Variants in RAP1GDS1 observed in about 807,000 individuals in gnomAD.
RAP1GDS1 encodes Rap1 GTPase-GDP dissociation stimulator 1.
Under a neutral mutation model 71.1 loss-of-function variants are expected in RAP1GDS1, and 35 were observed. The observed-to-expected ratio is 0.49, with a 90% CI of 0.38 to 0.65. The LOEUF (loss-of-function observed/expected upper bound fraction) is 0.65, where lower values mean the gene tolerates loss of function less well. Among genes scored for constraint, RAP1GDS1 ranks in the 30% least tolerant of loss-of-function variants. The probability of loss-of-function intolerance (pLI) is 0.00; values close to 1 mark genes in which losing one functional copy is unlikely to be tolerated. For synonymous variants in RAP1GDS1, 229 were observed against 243.1 expected (o/e 0.94, Z 0.54); for missense variants, 663 against 706.1 (o/e 0.94, Z 0.69).
At chr4:98,272,622 T>G (rs906254204) in intron 1 of RAP1GDS1, among the ~76,000 whole-genome samples, 31 of 152,146 alleles carry the variant, frequency 2.0e-4, no homozygotes, top group African/African-American at 7.5e-4. Context: ...CTGAGCATAC[T>G]TCTCAGATTT....
chr4:98,280,202 T>G (rs1185484086), intron 1 of RAP1GDS1, among the ~76,000 whole-genome samples: 1 of 152,228 alleles, frequency 6.6e-6, no homozygotes, highest in Non-Finnish European at 1.5e-5. Flanking sequence ...CCACAATGGT[T>G]GAACTAGTTT....
At chr4:98,425,564 C>T (rs752540030) in intron 12 of RAP1GDS1, among the ~76,000 whole-genome samples, 1 of 152,100 alleles carries the variant, frequency 6.6e-6, no homozygotes, top group Non-Finnish European at 1.5e-5. Context: ...TACCAAAAGT[C>T]AGCAGGAATA....
At chr4:98,374,311 C>A (rs1740836767) in intron 4 of RAP1GDS1, among the ~76,000 whole-genome samples, 1 of 152,114 alleles carries the variant, frequency 6.6e-6, no homozygotes, top group Non-Finnish European at 1.5e-5. Context: ...TGAAATAATT[C>A]TTTGTGTTGC....
intron 10 of RAP1GDS1, 33 bp downstream of exon 10, chr4:98,418,824 A>T: frequency 1.3e-6 from 2 of 1,515,552 alleles, no homozygotes; most frequent in Non-Finnish European, 1.8e-6. Context: ...AGCTGTGTAC[A>T]AAATAAAATC....
chr4:98,302,532 A>G (rs977753900), intron 2 of RAP1GDS1, among the ~76,000 whole-genome samples: 1 of 152,192 alleles, frequency 6.6e-6, no homozygotes, highest in Admixed American at 6.5e-5. Context: ...GAAGAAGGAA[A>G]ACAAAATGGT....
At chr4:98,393,051 A>G (rs912383124) in intron 6 of RAP1GDS1, among the ~76,000 whole-genome samples, 2 of 152,102 alleles carry the variant, frequency 1.3e-5, no homozygotes, top group African/African-American at 2.4e-5. Context: ...ACAACCCACA[A>G]TCATGTTAAT....
intron 2 of RAP1GDS1, among the ~76,000 whole-genome samples, chr4:98,296,514 TG>T (rs1485360883): frequency 6.6e-6 from 1 of 152,148 alleles, no homozygotes; most frequent in Non-Finnish European, 1.5e-5. Flanking sequence ...GCAAGCATTT[TG>T]TGTAAATCTA....
chr4:98,382,055 T>C (rs1414657445), intron 5 of RAP1GDS1, among the ~76,000 whole-genome samples: 5 of 151,614 alleles, frequency 3.3e-5, no homozygotes, highest in Non-Finnish European at 7.4e-5. Context: ...ATATATGTTA[T>C]GAAAATATTC....
intron 2 of RAP1GDS1, among the ~76,000 whole-genome samples, chr4:98,309,421 C>G (rs1161762745): frequency 6.6e-6 from 1 of 151,704 alleles, no homozygotes; most frequent in Non-Finnish European, 1.5e-5. Context: ...TTTATTTTTA[C>G]TCATTTATGT....
At chr4:98,334,532 G>A (rs1734433754) in intron 2 of RAP1GDS1, among the ~76,000 whole-genome samples, 1 of 152,016 alleles carries the variant, frequency 6.6e-6, no homozygotes, top group South Asian at 2.1e-4. Flanking sequence ...TGTGTTTTTG[G>A]TTTTTTGTTT....
At chr4:98,402,570 T>G (rs751807122) in intron 6 of RAP1GDS1, among the ~76,000 whole-genome samples, 1 of 152,212 alleles carries the variant, frequency 6.6e-6, no homozygotes, top group Non-Finnish European at 1.5e-5. Flanking sequence ...TGGATTTTTG[T>G]CATTTTGGAA....
intron 2 of RAP1GDS1, among the ~76,000 whole-genome samples, chr4:98,327,095 C>T (rs1029684494): frequency 6.6e-6 from 1 of 152,156 alleles, no homozygotes; most frequent in East Asian, 1.9e-4. Flanking sequence ...GAGTACAGTA[C>T]AGTAGTTTCT....
chr4:98,354,688 T>A (rs1241934008), intron 4 of RAP1GDS1, among the ~76,000 whole-genome samples: 1 of 152,186 alleles, frequency 6.6e-6, no homozygotes, highest in Non-Finnish European at 1.5e-5. Flanking sequence ...TAAAGTTCTA[T>A]GGATATCCTT....
At chr4:98,272,880 A>G (rs1723680323) in intron 1 of RAP1GDS1, among the ~76,000 whole-genome samples, 1 of 152,178 alleles carries the variant, frequency 6.6e-6, no homozygotes, top group Non-Finnish European at 1.5e-5. Context: ...ATGAGAGAAG[A>G]CAACGCTTTA....
At chr4:98,375,719 A>G (rs1006219360) in intron 4 of RAP1GDS1, among the ~76,000 whole-genome samples, 34 of 152,282 alleles carry the variant, frequency 2.2e-4, no homozygotes, top group African/African-American at 7.9e-4. Context: ...TCCATCCTCA[A>G]GGTGAATAGT....
intron 7 of RAP1GDS1, among the ~76,000 whole-genome samples, chr4:98,414,579 C>G (rs1410257319): frequency 6.6e-6 from 1 of 150,632 alleles, no homozygotes; most frequent in Non-Finnish European, 1.5e-5. Flanking sequence ...ATCTATATCT[C>G]TGTTTTGGTA....
intron 5 of RAP1GDS1, among the ~76,000 whole-genome samples, chr4:98,385,356 C>T (rs1471749814): frequency 6.6e-6 from 1 of 151,714 alleles, no homozygotes; most frequent in Non-Finnish European, 1.5e-5. Flanking sequence ...ATATGAGGCA[C>T]ATAATCATTG....
rs138070367 is a variant in RAP1GDS1 at position 98,271,113 on chromosome 4, A to C, written c.4+9544A>C. ...ATGTGTGGATTTTTGACTGAGTGAG[A>C]GGGGGATTGGTACCCCTAGTGCCTG... is the stretch of plus-strand genomic sequence containing the variant. On this transcript the variant is annotated intron_variant, in intron 1 of 14. Transcript: ENST00000408927. Among the ~76,000 whole-genome samples the C allele has an allele frequency of 3.6e-3, 548 of 152,174 alleles. 2 individuals carry two copies. Among genetic ancestry groups the C allele is most frequent in the Middle Eastern group, 0.014 (4 of 294 alleles).
At chr4:98,336,092 CT>C (rs1440011273) in intron 2 of RAP1GDS1, among the ~76,000 whole-genome samples, 2 of 152,052 alleles carry the variant, frequency 1.3e-5, no homozygotes, top group Non-Finnish European at 2.9e-5. Flanking sequence ...GGAGATAGAT[CT>C]TTTGCTGAAA....
Sources: allele counts gnomAD v4.1 joint callset (sites outside exome capture counted in the v4.1 genomes callset), GRCh38; gene constraint gnomAD v4.1.1; transcripts MANE v1.5; gene names NCBI Gene and HGNC (gene_info 2026-07-23, HGNC 2026-07-21).